The following KHDRBS2 variants were observed in gnomAD, a reference collection of about 807,000 sequenced individuals.
The protein encoded by KHDRBS2 is KH domain-containing, RNA-binding, signal transduction-associated protein 2.
KHDRBS2 carries 26 observed loss-of-function variants against 44.3 expected under a neutral mutation model. The ratio of observed to expected loss-of-function variants is 0.59; its 90% CI spans 0.43 to 0.81. The LOEUF is 0.81. Among genes scored for constraint, KHDRBS2 ranks in the 40% least tolerant of loss-of-function variants. The pLI is 0.00. For missense variants in KHDRBS2, 476 were observed against 433.1 expected (o/e 1.10, Z -0.88); for synonymous variants, 194 against 151.1 (o/e 1.28, Z -2.08).
chr6:61,846,912 A>G (rs1489311266), intron 6 of KHDRBS2, among the ~76,000 whole-genome samples: 2 of 152,060 alleles, frequency 1.3e-5, no homozygotes, highest in Non-Finnish European at 2.9e-5. Flanking sequence ...AGAAAAAAAG[A>G]TGCTATTTTG....
At chr6:61,602,262 C>T in the KHDRBS2 span, among the ~76,000 whole-genome samples, 1 of 152,144 alleles carries the variant, frequency 6.6e-6, no homozygotes, top group Non-Finnish European at 1.5e-5. Context: ...CAGTTCCTTG[C>T]CTCCACTGTG....
At chr6:61,678,975 GA>G (rs1475643859), downstream of KHDRBS2, 24 of 151,802 alleles carry the variant, frequency 1.6e-4, no homozygotes, top group Non-Finnish European at 3.1e-4. Flanking sequence ...AATAGAAAAA[GA>G]AAATTAAATA....
At chr6:62,066,488 T>G (rs1245257863) in intron 2 of KHDRBS2, among the ~76,000 whole-genome samples, 1 of 151,730 alleles carries the variant, frequency 6.6e-6, no homozygotes, top group Admixed American at 6.6e-5. Context: ...CTATCAGATT[T>G]TTCATTATTG....
At chr6:62,227,396 T>C (rs768266269) in intron 1 of KHDRBS2, among the ~76,000 whole-genome samples, 2 of 152,246 alleles carry the variant, frequency 1.3e-5, no homozygotes, top group African/African-American at 2.4e-5. Flanking sequence ...TTTGCTGAAG[T>C]TGCTTAGCAG....
chr6:62,215,631 TAAATTA>T (rs1829854841), intron 1 of KHDRBS2, among the ~76,000 whole-genome samples: 1 of 151,890 alleles, frequency 6.6e-6, no homozygotes, highest in Admixed American at 6.6e-5. Context: ...TTAGGTTATT[TAAATTA>T]TTCTGTTTAT....
intron 2 of KHDRBS2, among the ~76,000 whole-genome samples, chr6:62,079,064 T>A (rs553927316): frequency 1.4e-4 from 21 of 152,064 alleles, no homozygotes; most frequent in African/African-American, 4.6e-4. Context: ...GCGGGACATA[T>A]CTAAAAAAAT....
At chr6:62,146,809 C>T (rs1428234348) in intron 2 of KHDRBS2, among the ~76,000 whole-genome samples, 1 of 151,704 alleles carries the variant, frequency 6.6e-6, no homozygotes, top group African/African-American at 2.4e-5. Context: ...GTACGCTATA[C>T]ATCTATGGCA....
intron 3 of KHDRBS2, among the ~76,000 whole-genome samples, chr6:62,009,875 T>C (rs1007475497): frequency 6.6e-6 from 1 of 152,180 alleles, no homozygotes; most frequent in African/African-American, 2.4e-5. Context: ...AGGAGTTTGC[T>C]GTAGGGGCAG....
At chr6:61,819,932 T>C (rs1789614544) in intron 6 of KHDRBS2, among the ~76,000 whole-genome samples, 1 of 152,004 alleles carries the variant, frequency 6.6e-6, no homozygotes, top group Admixed American at 6.6e-5. Context: ...AAAGTGAAGT[T>C]CTCAACAATA....
At position 62,062,955 on chromosome 6, in the gene KHDRBS2, C is replaced by T. The variant is rs1032064148; in HGVS notation, c.220-14961G>A. ...AAAATGATAAAGGGGATATCACCAC[C>T]GATCCCACAGAAATACAAACTACCA... On this transcript the variant is annotated intron_variant, in intron 2 of 8. Transcript: ENST00000281156. Among the ~76,000 whole-genome samples the T allele has an allele frequency of 1.1e-4, 17 of 150,136 alleles. No individual in the cohort carries two copies. The Middle Eastern group carries it at 0.01, about 91-fold the overall frequency.
chr6:61,691,774 C>T (rs1358446983), intron 8 of KHDRBS2, among the ~76,000 whole-genome samples: 3 of 152,038 alleles, frequency 2.0e-5, no homozygotes, highest in Non-Finnish European at 4.4e-5. Context: ...TCAATGCAGG[C>T]CTTATTTTCA....
chr6:62,049,055 G>GT (rs947510140), intron 2 of KHDRBS2, among the ~76,000 whole-genome samples: 1 of 151,100 alleles, frequency 6.6e-6, no homozygotes, highest in Admixed American at 6.6e-5. Flanking sequence ...ATAAAACTCA[G>GT]TTTTTTTCCC....
intron 6 of KHDRBS2, among the ~76,000 whole-genome samples, chr6:61,875,013 G>A (rs1446036783): frequency 3.9e-5 from 6 of 152,118 alleles, no homozygotes; most frequent in Non-Finnish European, 5.9e-5. Context: ...CCATCTAGCA[G>A]AAGAGACAGG....
intron 1 of KHDRBS2, among the ~76,000 whole-genome samples, chr6:62,208,978 T>A (rs1022555421): frequency 6.6e-6 from 1 of 152,080 alleles, no homozygotes; most frequent in Non-Finnish European, 1.5e-5. Context: ...AAGCTCAGGC[T>A]ACAAAAGCAA....
At chr6:61,606,882 A>G in the KHDRBS2 span, among the ~76,000 whole-genome samples, 2 of 152,334 alleles carry the variant, frequency 1.3e-5, no homozygotes, top group East Asian at 1.9e-4. Flanking sequence ...AAACATGTCA[A>G]TAAAGTATAT....
chr6:61,870,897 G>T (rs1053201616), intron 6 of KHDRBS2, among the ~76,000 whole-genome samples: 4 of 152,168 alleles, frequency 2.6e-5, no homozygotes, highest in African/African-American at 9.7e-5. Context: ...ACAAAGATGT[G>T]GAGAAACCAG....
At chr6:61,559,659 A>G in the KHDRBS2 span, among the ~76,000 whole-genome samples, 1 of 152,220 alleles carries the variant, frequency 6.6e-6, no homozygotes, top group Non-Finnish European at 1.5e-5. Context: ...ACAACATAAC[A>G]CTGATTGCAT....
chr6:61,762,681 T>C (rs1779450461), intron 6 of KHDRBS2, among the ~76,000 whole-genome samples: 1 of 152,202 alleles, frequency 6.6e-6, no homozygotes, highest in Non-Finnish European at 1.5e-5. Flanking sequence ...GTCAACCAAA[T>C]AACTTTTCCT....
At chr6:62,270,916 A>C (rs1460138345) in intron 1 of KHDRBS2, among the ~76,000 whole-genome samples, 1 of 152,152 alleles carries the variant, frequency 6.6e-6, no homozygotes, top group Non-Finnish European at 1.5e-5. Flanking sequence ...CCAGGTTAGC[A>C]GATCTGGCAC....
Sources: gnomAD v4.1 joint callset for allele counts (sites outside exome capture counted in the v4.1 genomes callset) on GRCh38, gnomAD v4.1.1 for gene constraint, MANE v1.5 for transcripts, NCBI Gene and HGNC (gene_info 2026-07-23, HGNC 2026-07-21) for gene names.